The following SCHIP1 variants were observed in gnomAD, a reference collection of about 807,000 sequenced individuals.
SCHIP1 encodes the protein schwannomin interacting protein 1, also known as schwannomin-interacting protein 1.
A neutral mutation model predicts 29.7 loss-of-function variants in SCHIP1; 8 were observed. The ratio of observed to expected loss-of-function variants is 0.27; its 90% CI spans 0.16 to 0.49. The LOEUF (loss-of-function observed/expected upper bound fraction) is 0.49, where lower values mean the gene tolerates loss of function less well. Ranked by LOEUF, SCHIP1 falls within the 20% of genes least tolerant of loss-of-function variation. The pLI is 0.99. For synonymous variants in SCHIP1, 76 were observed against 94.9 expected, an observed-to-expected ratio of 0.80 and a Z score of 1.16; for missense variants, 193 against 294.6, an observed-to-expected ratio of 0.66 and a Z score of 2.52.
chr3:159,595,147 C>T, the SCHIP1 span, among the ~76,000 whole-genome samples: 374 of 152,236 alleles, frequency 2.5e-3, 2 homozygotes, highest in African/African-American at 8.4e-3. Context: ...GGAGGGCAGA[C>T]CCCACACTGC....
At chr3:159,562,758 G>A in the SCHIP1 span, among the ~76,000 whole-genome samples, 2 of 152,120 alleles carry the variant, frequency 1.3e-5, no homozygotes, top group Admixed American at 6.5e-5. Context: ...TGGGAGACAA[G>A]TATGAAAATT....
At chr3:159,415,503 T>G in the SCHIP1 span, among the ~76,000 whole-genome samples, 1 of 152,302 alleles carries the variant, frequency 6.6e-6, no homozygotes, top group Admixed American at 6.5e-5. Context: ...TTTGTGTTTA[T>G]GAGTTCTCGT....
At chr3:159,683,550 C>G in the SCHIP1 span, among the ~76,000 whole-genome samples, 1 of 152,108 alleles carries the variant, frequency 6.6e-6, no homozygotes, top group African/African-American at 2.4e-5. Flanking sequence ...CTGTTTAGAC[C>G]TATCCCTTGA....
the SCHIP1 span, among the ~76,000 whole-genome samples, chr3:159,630,330 G>A: frequency 6.6e-6 from 1 of 151,992 alleles, no homozygotes; most frequent in African/African-American, 2.4e-5. Flanking sequence ...GTAAAAAAGT[G>A]ACTAGAAACA....
chr3:159,563,526 A>T, the SCHIP1 span, among the ~76,000 whole-genome samples: 1 of 152,050 alleles, frequency 6.6e-6, no homozygotes, highest in Non-Finnish European at 1.5e-5. Flanking sequence ...TTATTTTTTT[A>T]AATTAAAAAT....
the SCHIP1 span, among the ~76,000 whole-genome samples, chr3:159,664,347 G>C: frequency 6.6e-6 from 1 of 152,094 alleles, no homozygotes; most frequent in Non-Finnish European, 1.5e-5. Flanking sequence ...TAATATAGTA[G>C]TTATAGTCCC....
At chr3:159,757,259 G>A in the SCHIP1 span, among the ~76,000 whole-genome samples, 52 of 152,346 alleles carry the variant, frequency 3.4e-4, no homozygotes, top group African/African-American at 1.2e-3. Context: ...TCACAATCAT[G>A]GTGGAAGGTG....
the SCHIP1 span, among the ~76,000 whole-genome samples, chr3:159,292,490 C>T: frequency 6.6e-6 from 1 of 151,998 alleles, no homozygotes; most frequent in Non-Finnish European, 1.5e-5. Context: ...AATATAAAGA[C>T]ATTAGGACTA....
At chr3:159,841,195 A>C (rs1024885665) in intron 1 of SCHIP1, among the ~76,000 whole-genome samples, 2 of 152,254 alleles carry the variant, frequency 1.3e-5, no homozygotes, top group African/African-American at 4.8e-5. Flanking sequence ...AAATATGTGC[A>C]GGCAAAATAG....
the SCHIP1 span, among the ~76,000 whole-genome samples, chr3:159,818,520 T>A: frequency 6.6e-6 from 1 of 152,190 alleles, no homozygotes; most frequent in African/African-American, 2.4e-5. Flanking sequence ...TGCCTGGGAA[T>A]CTGCAGGGCC....
chr3:159,671,300 G>A, the SCHIP1 span, among the ~76,000 whole-genome samples: 4 of 152,178 alleles, frequency 2.6e-5, no homozygotes, highest in African/African-American at 9.7e-5. Flanking sequence ...TGAAGCCTCA[G>A]GAGATCTCCT....
chr3:159,871,649 C>T (rs1427809922), intron 2 of SCHIP1, among the ~76,000 whole-genome samples: 4 of 152,066 alleles, frequency 2.6e-5, no homozygotes, highest in East Asian at 3.8e-4. Context: ...CTATGAATTG[C>T]GACTGAGAGA....
the SCHIP1 span, among the ~76,000 whole-genome samples, chr3:159,621,665 GTTCT>G: frequency 3.4e-5 from 5 of 147,300 alleles, no homozygotes; most frequent in African/African-American, 8.0e-5. Context: ...TGTTGTTTTT[GTTCT>G]TTGTTTTTTT....
At chr3:159,787,941 G>A in the SCHIP1 span, among the ~76,000 whole-genome samples, 6 of 152,044 alleles carry the variant, frequency 3.9e-5, no homozygotes, top group African/African-American at 7.2e-5. Flanking sequence ...ATGTGATTGA[G>A]GTTTATGTAG....
chr3:159,450,580 A>C, the SCHIP1 span, among the ~76,000 whole-genome samples: 2 of 152,168 alleles, frequency 1.3e-5, no homozygotes, highest in Non-Finnish European at 2.9e-5. Flanking sequence ...ACAGCCTCTC[A>C]TAATTTCTTT....
At chr3:159,276,548 C>T in the SCHIP1 span, among the ~76,000 whole-genome samples, 1 of 152,196 alleles carries the variant, frequency 6.6e-6, no homozygotes, top group African/African-American at 2.4e-5. Context: ...ATTCCTTTCT[C>T]TGTCCCAATT....
the SCHIP1 span, among the ~76,000 whole-genome samples, chr3:159,706,613 G>A: frequency 6.6e-6 from 1 of 152,190 alleles, no homozygotes; most frequent in African/African-American, 2.4e-5. Flanking sequence ...ATGATCACAG[G>A]AGAGTAGTCT....
intron 6 of SCHIP1, among the ~76,000 whole-genome samples, chr3:159,895,185 T>G (rs1717941502): frequency 6.6e-6 from 1 of 152,212 alleles, no homozygotes; most frequent in African/African-American, 2.4e-5. Context: ...GACAGATTTT[T>G]TAAGGAATGG....
the SCHIP1 span, among the ~76,000 whole-genome samples, chr3:159,675,054 T>C: frequency 6.6e-6 from 1 of 152,200 alleles, no homozygotes; most frequent in Admixed American, 6.5e-5. Context: ...TTTTCTGTGC[T>C]TCAGAGTCAA....
Sources: gnomAD v4.1 joint callset for allele counts (sites outside exome capture counted in the v4.1 genomes callset) on GRCh38, gnomAD v4.1.1 for gene constraint, MANE v1.5 for transcripts, NCBI Gene and HGNC (gene_info 2026-07-23, HGNC 2026-07-21) for gene names.